The following NARS2 variants were observed in gnomAD, a reference collection of about 807,000 sequenced individuals.
The protein encoded by NARS2 is asparaginyl-tRNA synthetase 2, mitochondrial.
In NARS2, 60 loss-of-function variants were observed where a neutral mutation model predicts 62.9. The ratio of observed to expected loss-of-function variants is 0.95; its 90% CI spans 0.77 to 1.18. The LOEUF (loss-of-function observed/expected upper bound fraction) is 1.18. Ranked by LOEUF, NARS2 falls within the 50% of genes most tolerant of loss-of-function variation. The pLI, the probability that NARS2 is intolerant of heterozygous loss-of-function variation, is 0.00. For synonymous variants in NARS2, 196 were observed against 200.0 expected, an observed-to-expected ratio of 0.98 and a Z score of 0.17; for missense variants, 619 against 576.4, an observed-to-expected ratio of 1.07 and a Z score of -0.76.
chr11:78,493,260 T>TAAAAATGAA, intron 6 of NARS2, 65 bp from the exon 7 acceptor site: 1 of 1,473,870 alleles, frequency 6.8e-7, no homozygotes, highest in Non-Finnish European at 9.3e-7. Context: ...ATTTAAATAT[T>TAAAAATGAA]CAGTGAGCTC....
At chr11:78,531,026 G>A (rs987750281) in intron 5 of NARS2, among the ~76,000 whole-genome samples, 1 of 151,962 alleles carries the variant, frequency 6.6e-6, no homozygotes, top group Admixed American at 6.6e-5. Flanking sequence ...GAATATTAAA[G>A]AGGGTATATA....
At chr11:78,561,374 A>C (rs1856550704) in intron 4 of NARS2, among the ~76,000 whole-genome samples, 1 of 152,240 alleles carries the variant, frequency 6.6e-6, no homozygotes, top group South Asian at 2.1e-4. Context: ...ATGTGCCTCA[A>C]ATAGGTTTCC....
chr11:78,438,537 C>T (rs757588069), intron 13 of NARS2, among the ~76,000 whole-genome samples: 34 of 152,308 alleles, frequency 2.2e-4, no homozygotes, highest in Middle Eastern at 3.4e-3. Flanking sequence ...TATTGAAACA[C>T]TGGCATGAAT....
chr11:78,511,942 T>C (rs1860737465), intron 6 of NARS2, among the ~76,000 whole-genome samples: 3 of 152,170 alleles, frequency 2.0e-5, no homozygotes, highest in Non-Finnish European at 4.4e-5. Context: ...TGCTACTTAA[T>C]TATTTAAACT....
At chr11:78,510,657 GTTAT>G (rs570327063) in intron 6 of NARS2, among the ~76,000 whole-genome samples, 1 of 152,078 alleles carries the variant, frequency 6.6e-6, no homozygotes, top group African/African-American at 2.4e-5. Flanking sequence ...ATGTGCATGT[GTTAT>G]TTATTCAAAC....
At chr11:78,527,219 T>G (rs1214566582) in intron 6 of NARS2, among the ~76,000 whole-genome samples, 1 of 152,158 alleles carries the variant, frequency 6.6e-6, no homozygotes, top group East Asian at 1.9e-4. Flanking sequence ...AATACAGAGG[T>G]CTTCAGATGC....
At chr11:78,539,713 T>C (rs559934530) in intron 5 of NARS2, among the ~76,000 whole-genome samples, 1 of 152,292 alleles carries the variant, frequency 6.6e-6, no homozygotes, top group South Asian at 2.1e-4. Flanking sequence ...TTGATGATGA[T>C]AGTGTTCCCT....
chr11:78,446,540 C>A (rs187073236), intron 11 of NARS2, among the ~76,000 whole-genome samples: 1 of 152,190 alleles, frequency 6.6e-6, no homozygotes, highest in East Asian at 1.9e-4. Flanking sequence ...TACCTTCAAT[C>A]CAGAGTGTTA....
chr11:78,508,607 C>CA (rs143131057), intron 6 of NARS2, among the ~76,000 whole-genome samples: 2,451 of 141,070 alleles, frequency 0.017, 43 homozygotes, highest in African/African-American at 0.05. Flanking sequence ...AAACAAAAAA[C>CA]AAAAAAAAAA....
chr11:78,487,477 G>GT (rs1332064400), intron 7 of NARS2, among the ~76,000 whole-genome samples: 1 of 151,764 alleles, frequency 6.6e-6, no homozygotes, highest in African/African-American at 2.4e-5. Context: ...ATATCAAAAG[G>GT]TTTTACATTT....
chr11:78,540,481 G>C (rs1855568165), intron 5 of NARS2, among the ~76,000 whole-genome samples: 1 of 78,954 alleles, frequency 1.3e-5, no homozygotes, highest in Admixed American at 1.3e-4. Flanking sequence ...ATCAACAATG[G>C]AAAACTTATT....
intron 9 of NARS2, among the ~76,000 whole-genome samples, chr11:78,474,663 A>G (rs986233448): frequency 4.6e-5 from 7 of 152,160 alleles, no homozygotes; most frequent in African/African-American, 1.7e-4. Context: ...GTATTTACTG[A>G]GTTCCTGTTA....
chr11:78,469,205 G>A, intron 10 of NARS2, 42 bp downstream of exon 10: 2 of 1,315,804 alleles, frequency 1.5e-6, no homozygotes, highest in Non-Finnish European at 1.1e-6. Flanking sequence ...CAAGAAGGAA[G>A]CATTTTCACA....
At chr11:78,523,406 T>G (rs1460213085) in intron 6 of NARS2, among the ~76,000 whole-genome samples, 1 of 152,190 alleles carries the variant, frequency 6.6e-6, no homozygotes, top group Non-Finnish European at 1.5e-5. Flanking sequence ...GAAAACAGAC[T>G]AGCAATTCCT....
intron 4 of NARS2, 81 bp from the exon 5 acceptor site, chr11:78,559,700 T>C: frequency 1.1e-6 from 1 of 923,978 alleles, no homozygotes; most frequent in Non-Finnish European, 1.8e-6. Flanking sequence ...AGTATTAAAA[T>C]GGCACACTAA....
chr11:78,527,375 T>C (rs1861330687), intron 6 of NARS2, among the ~76,000 whole-genome samples: 2 of 152,246 alleles, frequency 1.3e-5, no homozygotes, highest in South Asian at 4.1e-4. Flanking sequence ...GAACATTCCA[T>C]GACAGGCTTG....
chr11:78,563,849 AAAAT>A (rs1301325710), intron 4 of NARS2, among the ~76,000 whole-genome samples: 12 of 54,660 alleles, frequency 2.2e-4, no homozygotes, highest in Non-Finnish European at 3.6e-4. Flanking sequence ...AAAAAAAAAA[AAAAT>A]ATATATATAT....
At chr11:78,491,403 G>C (rs1241545675) in intron 7 of NARS2, among the ~76,000 whole-genome samples, 1 of 152,196 alleles carries the variant, frequency 6.6e-6, no homozygotes, top group Non-Finnish European at 1.5e-5. Flanking sequence ...TGCCCCTTCA[G>C]GGCCAAGTGC....
chr11:78,571,399 G>A lies in NARS2; in HGVS notation c.187C>T (p.His63Tyr), dbSNP rs1856917109. Residue 63 changes from histidine (H) to tyrosine (Y), a missense_variant, in exon 2 of 14, where the codon CAT (histidine) becomes TAT (tyrosine). By Grantham distance (83) the His-to-Tyr change is moderately conservative (BLOSUM62 2). Transcript: ENST00000281038. Reference sequence around the variant, plus strand: ...TCCAAAGATGACCCATCATTTACATGCAGGAACAAGACTTCCTTCTGGGAT... The same window carrying A: ...TCCAAAGATGACCCATCATTTACATACAGGAACAAGACTTCCTTCTGGGAT... ...VRSQKEVLFL[H>Y]VNDGSSLESL... 1.2e-6 allele frequency: 2 copies of A among 1,613,478 alleles called. No individual in the cohort carries two copies. The highest frequency in any genetic ancestry group is 1.7e-6 in the Non-Finnish European group (2 of 1,179,820).
Sources: gnomAD v4.1 joint callset for allele counts (sites outside exome capture counted in the v4.1 genomes callset) on GRCh38, gnomAD v4.1.1 for gene constraint, MANE v1.5 for transcripts, NCBI Gene and HGNC (gene_info 2026-07-23, HGNC 2026-07-21) for gene names.